OCA2: variants seen among roughly 807,000 people sequenced by gnomAD.
OCA2 encodes OCA2 melanosomal transmembrane protein.
A neutral mutation model predicts 100.2 loss-of-function variants in OCA2; 77 were observed. The ratio of observed to expected loss-of-function variants is 0.77; its 90% confidence interval spans 0.64 to 0.93. OCA2 has a LOEUF of 0.93. Among genes scored for constraint, OCA2 ranks in the 40% least tolerant of loss-of-function variants. The pLI is 0.00. For synonymous variants in OCA2, 432 were observed against 439.2 expected (o/e 0.98, Z 0.21); for missense variants, 1,062 against 1,089.1 (o/e 0.98, Z 0.35).
intron 2 of OCA2, among the ~76,000 whole-genome samples, chr15:28,080,675 G>A (rs1241384308): frequency 1.3e-5 from 2 of 152,248 alleles, no homozygotes; most frequent in African/African-American, 4.8e-5. Flanking sequence ...AAAGGCTGGA[G>A]AGACCATCAG....
Position 27,846,074 on chromosome 15 carries a change from T to C in OCA2, c.2339-1022A>G, listed in dbSNP as rs189903235. Reference sequence around the variant, plus strand: ...AAGGAAGATCAGTGAGAGGTGGGGCTCAGGCTGCCCCAGGCCTTTCTGTAG... The same window carrying C: ...AAGGAAGATCAGTGAGAGGTGGGGCCCAGGCTGCCCCAGGCCTTTCTGTAG... On this transcript the variant is annotated intron_variant, in intron 22 of 23. Coordinates refer to ENST00000354638, the MANE Select transcript of OCA2 (RefSeq NM_000275.3). Among the ~76,000 whole-genome samples the C allele has an allele frequency of 4.2e-3, 639 of 151,224 alleles. 3 individuals are homozygous for C. Among genetic ancestry groups the C allele is most frequent in the African/African-American group, 0.015 (604 of 40,610 alleles).
chr15:27,981,825 C>T (rs558743475), intron 14 of OCA2, among the ~76,000 whole-genome samples: 4 of 152,166 alleles, frequency 2.6e-5, no homozygotes, highest in African/African-American at 4.8e-5. Flanking sequence ...TCTGGACTCT[C>T]GCTGCCCTGG....
chr15:27,957,694 G>C lies in OCA2; in HGVS notation c.1678C>G (p.Arg560Gly), dbSNP rs147905292. ...EIHVWRLTAQ[R>G]ISPASREETA... ...TCCTCGCGGCTGGCCGGGCTGATGC[G>C]CTGAGCAGTCAGGCGCCAGACGTGA... Residue 560 changes from arginine to glycine, a missense_variant, in exon 16 of 24, where the codon CGC (arginine) becomes GGC (glycine). Physicochemically the swap from Arg to Gly is moderately radical, Grantham distance 125 (BLOSUM62 -2). Transcript: ENST00000354638. The surrounding 1 kb of genome is among the most constrained non-coding windows in gnomAD (Gnocchi z 4.3). 1.2e-6 allele frequency: 2 copies of C among 1,612,972 alleles called. No individual in the cohort carries two copies. The highest frequency in any genetic ancestry group is 2.2e-5 in the East Asian group (1 of 44,866).
At chr15:27,769,663 TAACA>T (rs2031559106) in intron 23 of OCA2, among the ~76,000 whole-genome samples, 1 of 152,180 alleles carries the variant, frequency 6.6e-6, no homozygotes, top group African/African-American at 2.4e-5. Flanking sequence ...AAGGCTTTAA[TAACA>T]AACCATAACT....
chr15:27,813,072 AGGGGTCACTGCTGAGAACTC>A (rs1172335618), intron 23 of OCA2, among the ~76,000 whole-genome samples: 6 of 152,266 alleles, frequency 3.9e-5, no homozygotes, highest in African/African-American at 1.4e-4. Context: ...AAGGGTCAGG[AGGGGTCACTGCTGAGAACTC>A]GGTGCTTCTC....
At chr15:28,010,261 C>G (rs2042204290) in intron 9 of OCA2, among the ~76,000 whole-genome samples, 1 of 152,066 alleles carries the variant, frequency 6.6e-6, no homozygotes, top group African/African-American at 2.4e-5. Context: ...TAAAGAGCAC[C>G]TACAAAAACT....
chr15:27,954,492 G>GA (rs1567151060), intron 17 of OCA2, among the ~76,000 whole-genome samples: 1 of 152,176 alleles, frequency 6.6e-6, no homozygotes, highest in Non-Finnish European at 1.5e-5. Context: ...GCCCTTTGAG[G>GA]AAACACCTGA....
rs1567110139 is a variant in OCA2 at position 27,922,683 on chromosome 15, GT to G, written c.2079+3443del. ...GCTTTTGTGGTTTTTTGTTTGGGGT[GT>G]GTGTGTGTGTGTGTGTGTGTGTGTG... On this transcript the variant is annotated intron_variant, in intron 19 of 23. Coordinates refer to ENST00000354638, the MANE Select transcript of OCA2 (RefSeq NM_000275.3). Among the ~76,000 whole-genome samples, 8 of 36,322 alleles carry G rather than the reference GT, an allele frequency of 2.2e-4. No individual in the cohort carries two copies. In the African/African-American group the frequency reaches 2.9e-3, roughly 13 times the overall value. 23.8% of individuals were successfully genotyped at this position (36,322 alleles called of 152,430 possible). A position where few individuals can be genotyped will look rare whatever the true frequency, so the allele number is the denominator to read the frequency against.
At chr15:27,877,783 T>C (rs2036852294) in intron 19 of OCA2, among the ~76,000 whole-genome samples, 1 of 151,996 alleles carries the variant, frequency 6.6e-6, no homozygotes, top group South Asian at 2.1e-4. Context: ...AGAGCCTTAC[T>C]TCCTTATCTG....
the OCA2 span, among the ~76,000 whole-genome samples, chr15:27,731,465 C>T: frequency 2.0e-5 from 3 of 152,180 alleles, no homozygotes; most frequent in African/African-American, 4.8e-5. Context: ...AGAGATTTCT[C>T]ATATGTGGGA....
chr15:28,049,692 G>A (rs2043450301), intron 2 of OCA2, among the ~76,000 whole-genome samples: 1 of 152,200 alleles, frequency 6.6e-6, no homozygotes, highest in Non-Finnish European at 1.5e-5. Context: ...CATGCTGAAT[G>A]AATAAGCCAG....
chr15:27,736,869 G>C, the OCA2 span, among the ~76,000 whole-genome samples: 2 of 152,104 alleles, frequency 1.3e-5, no homozygotes, highest in African/African-American at 4.8e-5. Flanking sequence ...TGAGAAATGG[G>C]ATAAGAGAAT....
rs534824896 is a variant in OCA2 at position 27,780,919 on chromosome 15, G to A, written c.2433-25447C>T. Among the ~76,000 whole-genome samples the A allele has an allele frequency of 9.9e-4, 151 of 151,846 alleles. 2 individuals carry two copies. Among genetic ancestry groups the A allele is most frequent in the South Asian group, 6.2e-3 (30 of 4,808 alleles). On this transcript the variant is annotated intron_variant, in intron 23 of 23. Coordinates refer to ENST00000354638, the MANE Select transcript of OCA2 (RefSeq NM_000275.3). Reference sequence around the variant, plus strand: ...TTGTATCTCTCCACGAAATTATGAGGAAAAAAAAGCTCTGACCTAATTCAG... The same window carrying A: ...TTGTATCTCTCCACGAAATTATGAGAAAAAAAAAGCTCTGACCTAATTCAG...
intron 19 of OCA2, among the ~76,000 whole-genome samples, chr15:27,920,437 A>C (rs1286199894): frequency 3.9e-5 from 6 of 152,262 alleles, no homozygotes; most frequent in Non-Finnish European, 1.5e-5. Flanking sequence ...CAGGGAGATA[A>C]ATCAGCATCT....
At chr15:27,750,777 ACATTATGCTT>A (rs1280073996), downstream of OCA2, among the ~76,000 whole-genome samples, 1 of 152,244 alleles carries the variant, frequency 6.6e-6, no homozygotes, top group Non-Finnish European at 1.5e-5. Context: ...CACAGTTACC[ACATTATGCTT>A]CAGAGGTCTG....
chr15:27,855,631 C>T (rs2035921270), intron 21 of OCA2, among the ~76,000 whole-genome samples: 1 of 152,174 alleles, frequency 6.6e-6, no homozygotes, highest in Non-Finnish European at 1.5e-5. Context: ...CTGGATGGGA[C>T]CATGTTATCT....
At chr15:27,838,102 C>A (rs1040570064) in intron 23 of OCA2, among the ~76,000 whole-genome samples, 1 of 152,162 alleles carries the variant, frequency 6.6e-6, no homozygotes, top group Non-Finnish European at 1.5e-5. Flanking sequence ...AAGATTTCCC[C>A]AACAAGCCAC....
At chr15:27,886,269 A>T (rs2037219499) in intron 19 of OCA2, among the ~76,000 whole-genome samples, 1 of 152,288 alleles carries the variant, frequency 6.6e-6, no homozygotes, top group East Asian at 1.9e-4. Context: ...GAAGGACAAC[A>T]TGCTGCTATC....
intron 23 of OCA2, among the ~76,000 whole-genome samples, chr15:27,764,353 C>T (rs896207627): frequency 6.6e-6 from 1 of 152,074 alleles, no homozygotes; most frequent in Non-Finnish European, 1.5e-5. Flanking sequence ...GAATAACACT[C>T]ACACTGAAAG....
Sources: gnomAD v4.1 joint callset for allele counts (sites outside exome capture counted in the v4.1 genomes callset) on GRCh38, gnomAD v4.1.1 for gene constraint, Gnocchi (gnomAD v3.1) non-coding constraint, MANE v1.5 for transcripts, NCBI Gene and HGNC (gene_info 2026-07-23, HGNC 2026-07-21) for gene names.